The following PLCH1 variants were observed in gnomAD, a reference collection of about 807,000 sequenced individuals.
PLCH1 encodes 1-phosphatidylinositol 4,5-bisphosphate phosphodiesterase eta-1.
Under a neutral mutation model 126.7 loss-of-function variants are expected in PLCH1, and 60 were observed. That is an observed-to-expected ratio of 0.47 (90% CI 0.38 to 0.59). The LOEUF is 0.59. Ranked by LOEUF, PLCH1 falls within the 20% of genes least tolerant of loss-of-function variation. PLCH1 has a pLI of 0.00. For synonymous variants in PLCH1, 719 were observed against 734.9 expected (o/e 0.98, Z 0.35); for missense variants, 1,723 against 2,040.0 (o/e 0.84, Z 2.99).
At chr3:155,593,186 G>A (rs359567) in intron 4 of PLCH1, among the ~76,000 whole-genome samples, 131,991 of 152,100 alleles carry the variant, frequency 0.87, 57,972 homozygotes, top group African/African-American at 0.97. Context: ...AGGGAATCAA[G>A]GGAGTCAACT....
intron 2 of PLCH1, among the ~76,000 whole-genome samples, chr3:155,673,335 CAA>C (rs1287431413): frequency 1.3e-5 from 2 of 152,026 alleles, no homozygotes; most frequent in Admixed American, 1.3e-4. Flanking sequence ...GAAGTTACTA[CAA>C]GAGAGCTAAG....
chr3:155,590,872 A>G (rs1215032757), intron 4 of PLCH1, among the ~76,000 whole-genome samples: 2 of 152,086 alleles, frequency 1.3e-5, no homozygotes, highest in African/African-American at 4.8e-5. Flanking sequence ...TCTCTTTACT[A>G]TTCATCAATT....
rs527798191 is a variant in PLCH1, at chr3:155,459,812, C to T, written c.2938+25544G>A. ...ATGGCCAGAGGGGCAGTGAAGGTGC[C>T]TTGTCCCAAAGTGATGTTTTATTAT... On this transcript the variant is annotated intron_variant, in intron 21 of 21. Transcript: ENST00000494598. Among the ~76,000 whole-genome samples, 3 of 152,268 alleles carry T rather than the reference C, an allele frequency of 2.0e-5. No individual in the cohort carries two copies. In the East Asian group the frequency reaches 5.8e-4, roughly 29 times the overall value.
chr3:155,561,243 T>A (rs1374611582), intron 8 of PLCH1, among the ~76,000 whole-genome samples: 3 of 151,332 alleles, frequency 2.0e-5, no homozygotes, highest in East Asian at 3.9e-4. Context: ...TAACTCATCA[T>A]CTAGCATTAG....
intron 2 of PLCH1, among the ~76,000 whole-genome samples, chr3:155,649,101 G>A (rs747659083): frequency 1.8e-4 from 28 of 152,146 alleles, no homozygotes; most frequent in African/African-American, 6.5e-4. Context: ...ACAGTCTGGA[G>A]GGCAAGAGGG....
chr3:155,537,441 A>G (rs1723590819), intron 10 of PLCH1, among the ~76,000 whole-genome samples: 1 of 152,116 alleles, frequency 6.6e-6, no homozygotes, highest in Non-Finnish European at 1.5e-5. Flanking sequence ...CTCCACTTAA[A>G]AGGCACAGAA....
intron 11 of PLCH1, among the ~76,000 whole-genome samples, chr3:155,516,642 A>C (rs1720358115): frequency 6.6e-6 from 1 of 152,132 alleles, no homozygotes; most frequent in Non-Finnish European, 1.5e-5. Context: ...GTGTGTCTGC[A>C]GATGAAACAT....
chr3:155,521,397 A>G (rs747200197), intron 11 of PLCH1, among the ~76,000 whole-genome samples: 35 of 152,244 alleles, frequency 2.3e-4, no homozygotes, highest in Non-Finnish European at 4.1e-4. Context: ...GATGTTTAAT[A>G]AAAGTTTATT....
intron 2 of PLCH1, among the ~76,000 whole-genome samples, chr3:155,697,885 C>T (rs1745953296): frequency 6.6e-6 from 1 of 152,194 alleles, no homozygotes; most frequent in South Asian, 2.1e-4. Context: ...CTCACCGCTG[C>T]TGACATACAA....
Position 155,693,471 on chromosome 3 carries a change from CAAAAAAAAAAA to C in PLCH1, c.79+10664_79+10674del, listed in dbSNP as rs1227159940. ...TGGGCGACAGAGCGAGACTCCGTCT[CAAAAAAAAAAA>C]AAAAAAAAAAAAAGAAAGCACAGAC... On this transcript the variant is annotated intron_variant, in intron 2 of 22. Coordinates refer to ENST00000460012, the MANE Select transcript of PLCH1 (RefSeq NM_014996.4). Among the ~76,000 whole-genome samples the C allele has an allele frequency of 1.9e-4, 2 of 10,354 alleles. 1 individual carries two copies. The highest frequency in any genetic ancestry group is 2.7e-4 in the Non-Finnish European group (2 of 7,496). 6.8% of individuals were successfully genotyped at this position (10,354 alleles called of 152,430 possible). A position where few individuals can be genotyped will look rare whatever the true frequency, so the allele number is the denominator to read the frequency against.
intron 2 of PLCH1, among the ~76,000 whole-genome samples, chr3:155,646,838 G>T (rs140901726): frequency 8.5e-5 from 13 of 152,280 alleles, no homozygotes; most frequent in African/African-American, 2.4e-4. Flanking sequence ...AACATATCAT[G>T]CTGGGTTTGG....
intron 8 of PLCH1, 85 bp from the exon 9 acceptor site, chr3:155,554,281 C>A: frequency 7.6e-7 from 1 of 1,322,300 alleles, no homozygotes; most frequent in South Asian, 1.4e-5. Context: ...CATATTAAGT[C>A]CATTATCTGA....
rs923334707 is a variant in PLCH1, at chr3:155,504,623, G to C, written c.1636C>G (p.Pro546Ala). The C allele has an allele frequency of 2.5e-6, 4 of 1,594,224 alleles. No individual in the cohort carries two copies. The African/African-American group carries it at 5.4e-5, about 21-fold the overall frequency. ...TTCTTTCCACTTTCCTTTACATCTG[G>C]ACTCTGAATAAATAAAGGCATAATA... ...EGLNAHLKQS[P>A]DVKESGKKSH... Residue 546 changes from proline to alanine, a missense_variant, in exon 13 of 23, where the codon CCA (proline) becomes GCA (alanine). This residue lies in a region of PLCH1 where 776 missense variants were observed against 1,062.9 expected (regional missense o/e 0.73). Transcript: ENST00000460012.
At chr3:155,452,617 G>C (rs569067070) in intron 21 of PLCH1, among the ~76,000 whole-genome samples, 143 of 152,220 alleles carry the variant, frequency 9.4e-4, no homozygotes, top group African/African-American at 3.0e-3. Context: ...ATCAAGTATG[G>C]CTTGATCTGA....
chr3:155,720,737 C>A (rs1464977770), intron 1 of PLCH1, among the ~76,000 whole-genome samples: 1 of 152,060 alleles, frequency 6.6e-6, no homozygotes, highest in East Asian at 1.9e-4. Flanking sequence ...TAAGTCCCAT[C>A]TATTTATATT....
chr3:155,736,354 G>A (rs1749174735), intron 1 of PLCH1, among the ~76,000 whole-genome samples: 1 of 152,160 alleles, frequency 6.6e-6, no homozygotes, highest in Admixed American at 6.5e-5. Flanking sequence ...TTGTGTACAA[G>A]CCTTTTCTCT....
intron 1 of PLCH1, among the ~76,000 whole-genome samples, chr3:155,737,461 T>A (rs1333216296): frequency 6.6e-6 from 1 of 151,652 alleles, no homozygotes; most frequent in Non-Finnish European, 1.5e-5. Context: ...CCTCCCAAAG[T>A]GCAGGGATTA....
At chr3:155,568,984 G>A (rs1487660941) in intron 6 of PLCH1, among the ~76,000 whole-genome samples, 5 of 152,142 alleles carry the variant, frequency 3.3e-5, no homozygotes, top group African/African-American at 9.6e-5. Context: ...CCTTTTCTGT[G>A]GCTACCTGAT....
intron 2 of PLCH1, among the ~76,000 whole-genome samples, chr3:155,660,964 T>C (rs942223031): frequency 6.6e-6 from 1 of 152,216 alleles, no homozygotes; most frequent in African/African-American, 2.4e-5. Context: ...TGCCTGAGGC[T>C]TTTAAACAAA....
Sources: gnomAD v4.1 joint callset for allele counts (sites outside exome capture counted in the v4.1 genomes callset) on GRCh38, gnomAD v4.1.1 for gene constraint, gnomAD v4.1.1 regional missense constraint, MANE v1.5 for transcripts, NCBI Gene and HGNC (gene_info 2026-07-23, HGNC 2026-07-21) for gene names.